Variants in LUZP1 observed in about 807,000 individuals in gnomAD.
LUZP1 encodes the protein filamin mechanobinding actin cross-linking protein.
A neutral mutation model predicts 71.3 loss-of-function variants in LUZP1; 25 were observed. The ratio of observed to expected loss-of-function variants is 0.35; its 90% CI spans 0.26 to 0.49. The LOEUF (loss-of-function observed/expected upper bound fraction) is 0.49. Among genes scored for constraint, LUZP1 ranks in the 20% least tolerant of loss-of-function variants. LUZP1 has a pLI of 0.99. For missense variants in LUZP1, 1,142 were observed against 1,300.8 expected, an observed-to-expected ratio of 0.88 and a Z score of 1.88; for synonymous variants, 481 against 506.4, an observed-to-expected ratio of 0.95 and a Z score of 0.67.
chr1:23,152,146 C>T (rs370383073), intron 2 of LUZP1, among the ~76,000 whole-genome samples: 7 of 151,980 alleles, frequency 4.6e-5, no homozygotes, highest in East Asian at 1.9e-4. Flanking sequence ...GTTGTTAATA[C>T]ACACAGGGCA....
intron 3 of LUZP1, among the ~76,000 whole-genome samples, chr1:23,098,235 A>T (rs1324223693): frequency 6.6e-6 from 1 of 152,224 alleles, no homozygotes; most frequent in Non-Finnish European, 1.5e-5. Flanking sequence ...TTCACTCAGT[A>T]CAGAAGGAGG....
At chr1:23,150,112 G>C (rs181211581) in intron 2 of LUZP1, among the ~76,000 whole-genome samples, 181 of 152,194 alleles carry the variant, frequency 1.2e-3, no homozygotes, top group African/African-American at 4.2e-3. Context: ...CAATAGCGAA[G>C]GTGAAGATGG....
In LUZP1 at chr1:23,094,103, C is replaced by T; in HGVS notation, c.159G>A (p.Gln53=). 1.2e-6 allele frequency: 2 copies of T among 1,614,212 alleles called. No homozygotes were observed. Among genetic ancestry groups the T allele is most frequent in the Non-Finnish European group, 1.7e-6 (2 of 1,180,034 alleles). The stretch of plus-strand genomic sequence containing the variant: ...ACATGCTGGAGTTGCTACCTTCTGC[C>T]TGAATCACCTTGTCCTGGAGATCCA... Residue 53 remains glutamine (Q), a synonymous_variant, in exon 4 of 5, where the codon CAG becomes CAA. Coordinates refer to ENST00000302291, the Ensembl canonical transcript of LUZP1. The surrounding 1 kb of genome is among the most constrained non-coding windows in gnomAD (Gnocchi z 4.7).
exon 5 of LUZP1, chr1:23,085,470 A>G (rs1036972814): frequency 6.6e-6 from 1 of 152,548 alleles, no homozygotes; most frequent in Non-Finnish European, 1.5e-5. Flanking sequence ...TAATCCCTAA[A>G]AGCAGCTCTT....
intron 3 of LUZP1, among the ~76,000 whole-genome samples, chr1:23,102,442 C>T (rs1643939038): frequency 6.6e-6 from 1 of 152,052 alleles, no homozygotes; most frequent in Non-Finnish European, 1.5e-5. Context: ...CTTCCTGTTC[C>T]CAATAGTCAT....
At chr1:23,172,527 T>A (rs985408407) in intron 1 of LUZP1, among the ~76,000 whole-genome samples, 3 of 151,230 alleles carry the variant, frequency 2.0e-5, no homozygotes, top group Non-Finnish European at 2.9e-5. Context: ...TTATTTTTTT[T>A]TTTTTAGACA....
intron 1 of LUZP1, among the ~76,000 whole-genome samples, chr1:23,171,099 AAT>A (rs544526974): frequency 2.3e-3 from 320 of 139,426 alleles, no homozygotes; most frequent in Middle Eastern, 0.011. Flanking sequence ...AAAAAAAAAA[AAT>A]ATATATATAT....
Position 23,093,345 on chromosome 1 carries a change from T to C in LUZP1, c.917A>G (p.Glu306Gly). The stretch of plus-strand genomic sequence containing the variant: ...TTTCTTAAGCTCTTCTTCCAACGAT[T>C]CAAAGTGTTTGATTTGTGTCTTAAG... The change falls in exon 4 of 5, where the codon GAA (glutamate) becomes GGA (glycine). Residue 306 changes from glutamate to glycine, a missense_variant. Physicochemically the swap from Glu to Gly is moderately conservative, Grantham distance 98. Transcript: ENST00000302291. This position sits in a 1 kb window ranked among gnomAD's most constrained non-coding sequence, Gnocchi z 4.2. The C allele has an allele frequency of 6.2e-7, 1 of 1,613,036 alleles. No homozygotes were observed. Among genetic ancestry groups the C allele is most frequent in the Non-Finnish European group, 8.5e-7 (1 of 1,179,786 alleles).
intron 2 of LUZP1, among the ~76,000 whole-genome samples, chr1:23,162,163 T>C (rs912124956): frequency 6.6e-6 from 1 of 151,808 alleles, no homozygotes; most frequent in Non-Finnish European, 1.5e-5. Flanking sequence ...TATGATTCAA[T>C]TTTTACAAAA....
At chr1:23,158,298 C>T (rs1466300157) in intron 2 of LUZP1, among the ~76,000 whole-genome samples, 1 of 152,098 alleles carries the variant, frequency 6.6e-6, no homozygotes, top group East Asian at 1.9e-4. Flanking sequence ...GAATAAACTG[C>T]GATTTTCCAA....
exon 4 of LUZP1, chr1:23,091,286 C>A (rs1643848506): frequency 1.2e-6 from 2 of 1,613,914 alleles, no homozygotes; most frequent in South Asian, 2.2e-5. Context: ...TACTTTGGGT[C>A]CTTCTGGAGG....
At chr1:23,119,833 A>G (rs1644116214) in intron 2 of LUZP1, among the ~76,000 whole-genome samples, 3 of 152,244 alleles carry the variant, frequency 2.0e-5, no homozygotes, top group African/African-American at 4.8e-5. Context: ...ATATAAACTT[A>G]TAAGAAAGAA....
At chr1:23,124,853 C>T (rs1454457977) in intron 2 of LUZP1, among the ~76,000 whole-genome samples, 1 of 152,150 alleles carries the variant, frequency 6.6e-6, no homozygotes, top group Non-Finnish European at 1.5e-5. Flanking sequence ...GTTTCTTTAA[C>T]AGTAAAATGA....
intron 3 of LUZP1, among the ~76,000 whole-genome samples, chr1:23,104,730 T>C (rs189861028): frequency 1.1e-4 from 17 of 152,326 alleles, no homozygotes; most frequent in Non-Finnish European, 2.4e-4. Context: ...TGTAAATAAA[T>C]TAATGTAATA....
At chr1:23,150,756 C>T (rs1048530859) in intron 2 of LUZP1, among the ~76,000 whole-genome samples, 2 of 152,154 alleles carry the variant, frequency 1.3e-5, no homozygotes, top group Non-Finnish European at 2.9e-5. Context: ...ATACCACAGA[C>T]AACAAGTCTT....
At chr1:23,116,284 A>G (rs1644077940) in intron 2 of LUZP1, among the ~76,000 whole-genome samples, 1 of 152,044 alleles carries the variant, frequency 6.6e-6, no homozygotes, top group South Asian at 2.1e-4. Context: ...GGGTGGCTGA[A>G]GTGGGAGGAT....
chr1:23,162,671 A>G (rs1644477831), intron 2 of LUZP1: 1 of 152,104 alleles, frequency 6.6e-6, no homozygotes, highest in Non-Finnish European at 1.5e-5. Context: ...CATTTTTAAA[A>G]TACTATTTTG....
chr1:23,131,756 G>T (rs1458043091), intron 2 of LUZP1, among the ~76,000 whole-genome samples: 3 of 152,102 alleles, frequency 2.0e-5, no homozygotes, highest in Non-Finnish European at 2.9e-5. Context: ...CGTGATCTCG[G>T]CTCACCGCAA....
At chr1:23,103,463 T>C (rs916984224) in intron 3 of LUZP1, among the ~76,000 whole-genome samples, 1 of 152,118 alleles carries the variant, frequency 6.6e-6, no homozygotes, top group Non-Finnish European at 1.5e-5. Flanking sequence ...GGAAAGGATT[T>C]AGAGATCATC....
Sources: allele counts gnomAD v4.1 joint callset (sites outside exome capture counted in the v4.1 genomes callset), GRCh38; gene constraint gnomAD v4.1.1; non-coding constraint Gnocchi (gnomAD v3.1); transcripts MANE v1.5; gene names NCBI Gene and HGNC (gene_info 2026-07-23, HGNC 2026-07-21).